GOSR2: variants seen among roughly 807,000 people sequenced by gnomAD.
GOSR2 encodes 27 kDa Golgi SNARE protein.
Under a neutral mutation model 27.9 loss-of-function variants are expected in GOSR2, and 20 were observed. That is an observed-to-expected ratio of 0.72 (90% confidence interval 0.50 to 1.04). The LOEUF (loss-of-function observed/expected upper bound fraction) is 1.04, where lower values mean the gene tolerates loss of function less well. GOSR2 is among the 50% of genes least tolerant of loss of function. The pLI is 0.00. For synonymous variants in GOSR2, 91 were observed against 98.8 expected, an observed-to-expected ratio of 0.92 and a Z score of 0.47; for missense variants, 261 against 270.5, an observed-to-expected ratio of 0.97 and a Z score of 0.25.
intron 6 of GOSR2, chr17:46,952,563 G>A (rs1338146430): frequency 6.6e-6 from 1 of 152,240 alleles, no homozygotes; most frequent in Non-Finnish European, 1.5e-5. Flanking sequence ...TGCTGGGAGA[G>A]ACTTCTGGGA....
Position 46,940,419 on chromosome 17 carries a change from G to A in GOSR2, c.*1659G>A, listed in dbSNP as rs117210496. Reference sequence around the variant, plus strand: ...TTGCAGCATCTTTAGACCTAGATCTGTCTAACTCTGGGGAGGCACATTGAC... The same window carrying A: ...TTGCAGCATCTTTAGACCTAGATCTATCTAACTCTGGGGAGGCACATTGAC... On this transcript the variant is annotated 3_prime_UTR_variant, in exon 6 of 6. Transcript: ENST00000640051. 5.0e-4 allele frequency: 804 copies of A among 1,596,354 alleles called. No homozygotes were observed. The highest frequency in any genetic ancestry group is 6.6e-4 in the Non-Finnish European group (778 of 1,176,668).
At chr17:46,974,987 C>CTTTTTTTTTTTTTTTTTTTT (rs58438726) in intron 6 of GOSR2, among the ~76,000 whole-genome samples, 1 of 119,062 alleles carries the variant, frequency 8.4e-6, no homozygotes, top group African/African-American at 3.2e-5. Context: ...TTACTATTTT[C>CTTTTTTTTTTTTTTTTTTTT]TTTTTTTTTT....
At chr17:46,962,703 A>G (rs1352772850) in intron 6 of GOSR2, among the ~76,000 whole-genome samples, 2 of 152,162 alleles carry the variant, frequency 1.3e-5, no homozygotes, top group Non-Finnish European at 2.9e-5. Flanking sequence ...GGTGCCAGAC[A>G]CTCTAGCCAG....
intron 4 of GOSR2, 170 bp downstream of exon 4, chr17:46,932,369 CAG>C (rs1233655155): frequency 8.6e-6 from 6 of 698,214 alleles, no homozygotes; most frequent in African/African-American, 1.8e-5. Context: ...TAGACCTAGA[CAG>C]AGAATCCCTT....
At chr17:46,960,851 G>A (rs1238186886) in intron 6 of GOSR2, among the ~76,000 whole-genome samples, 1 of 152,208 alleles carries the variant, frequency 6.6e-6, no homozygotes, top group African/African-American at 2.4e-5. Flanking sequence ...ATTAAGGGAA[G>A]AAGAGTTTGT....
At chr17:46,936,528 C>T (rs938088804) in intron 5 of GOSR2, 8 of 985,492 alleles carry the variant, frequency 8.1e-6, no homozygotes, top group Non-Finnish European at 9.6e-6. Context: ...GCCTCACACC[C>T]TGCCTCCGTC....
chr17:46,928,522 A>G (rs1369409967), intron 1 of GOSR2, among the ~76,000 whole-genome samples: 2 of 152,182 alleles, frequency 1.3e-5, no homozygotes, highest in Non-Finnish European at 2.9e-5. Flanking sequence ...ATGGAGGACC[A>G]TTAGGAAGGG....
At chr17:46,923,728 T>G (rs2086060666) in intron 1 of GOSR2, 1 of 454,430 alleles carries the variant, frequency 2.2e-6, no homozygotes, top group Non-Finnish European at 3.6e-6. Flanking sequence ...GCATTCACTA[T>G]TATTACTTGT....
rs2088860857 is a variant in GOSR2, at chr17:46,938,934, C to G, written c.*174C>G. 3.3e-6 allele frequency: 5 copies of G among 1,503,394 alleles called. No individual in the cohort carries two copies. The allele number at this position is 1,503,394 out of a possible 1,614,324, so 93.1% of individuals were successfully genotyped here. On this transcript the variant is annotated 3_prime_UTR_variant, in exon 6 of 6. Transcript: ENST00000640051. ...CAACCTGCTCTGTTTTCTGTGACAT[C>G]TTGGAGGGGGAGCTAGTGCCACCAC...
chr17:46,950,824 A>G (rs1161757732), intron 6 of GOSR2, among the ~76,000 whole-genome samples: 1 of 152,200 alleles, frequency 6.6e-6, no homozygotes. Context: ...GAACAGAGGA[A>G]AAGCGGGGCC....
downstream of GOSR2, among the ~76,000 whole-genome samples, chr17:46,970,620 G>A (rs1461253458): frequency 6.6e-6 from 1 of 151,534 alleles, no homozygotes; most frequent in African/African-American, 2.4e-5. Context: ...TCAGTCGTCA[G>A]CTGAGCTTTT....
chr17:46,946,872 A>G (rs1186624256), downstream of GOSR2, among the ~76,000 whole-genome samples: 3 of 152,338 alleles, frequency 2.0e-5, no homozygotes, highest in East Asian at 5.8e-4. Context: ...CAATTTTAAA[A>G]AAACAAAAAT....
At chr17:46,950,216 C>T (rs1599152912) in intron 6 of GOSR2, among the ~76,000 whole-genome samples, 1 of 152,208 alleles carries the variant, frequency 6.6e-6, no homozygotes, top group Non-Finnish European at 1.5e-5. Flanking sequence ...AGTCACTTCT[C>T]GTTCCTATCC....
At chr17:46,938,473 T>C in intron 5 of GOSR2, 126 bp from the exon 6 acceptor site, 3 of 1,458,034 alleles carry the variant, frequency 2.1e-6, no homozygotes, top group Non-Finnish European at 2.9e-6. Flanking sequence ...CTGATATTGC[T>C]TTCTGTGTAT....
chr17:46,939,486 G>A lies in GOSR2; in HGVS notation c.*726G>A, dbSNP rs1044037609. On this transcript the variant is annotated 3_prime_UTR_variant, in exon 6 of 6. Transcript: ENST00000640051. Reference sequence around the variant, plus strand: ...CTGATTTTTTCTAGTTGTTAATAGAGTGGTTGGCTTTTAAGGTTCAGAGAC... The same window carrying A: ...CTGATTTTTTCTAGTTGTTAATAGAATGGTTGGCTTTTAAGGTTCAGAGAC... 4 of 986,426 alleles carry A rather than the reference G, an allele frequency of 4.1e-6. No homozygotes were observed. In the East Asian group the frequency reaches 4.5e-4, roughly 112 times the overall value. 61.1% of individuals were successfully genotyped at this position (986,426 alleles called of 1,614,324 possible).
chr17:46,971,733 C>G (rs3863498), downstream of GOSR2, among the ~76,000 whole-genome samples: 134,105 of 152,252 alleles, frequency 0.88, 61,048 homozygotes, highest in East Asian at 1. Flanking sequence ...TCCTGCACCC[C>G]GACCTGCCTG....
At chr17:46,945,573 G>T (rs556154634), downstream of GOSR2, among the ~76,000 whole-genome samples, 3 of 152,284 alleles carry the variant, frequency 2.0e-5, no homozygotes, top group South Asian at 6.2e-4. Flanking sequence ...TCTTTGCTGG[G>T]TGGTAACTCA....
At chr17:46,952,275 A>T (rs2090417381) in intron 6 of GOSR2, among the ~76,000 whole-genome samples, 1 of 152,176 alleles carries the variant, frequency 6.6e-6, no homozygotes, top group Non-Finnish European at 1.5e-5. Context: ...TCAGCGCCTG[A>T]AGCAGGCCTG....
In GOSR2 at chr17:46,939,287, A is replaced by G. The variant is rs181200484; in HGVS notation, c.*527A>G. On this transcript the variant is annotated 3_prime_UTR_variant, in exon 6 of 6. Transcript: ENST00000640051. ...TCCCCTGTGCCTCAGTGACATGTAGATGACTGACTGCCAATACTTGTCACC... is the reference window on the plus strand; with the variant it reads ...TCCCCTGTGCCTCAGTGACATGTAGGTGACTGACTGCCAATACTTGTCACC... 1.6e-5 allele frequency: 16 copies of G among 1,023,458 alleles called. No homozygotes were observed. The highest frequency in any genetic ancestry group is 1.8e-5 in the Non-Finnish European group (15 of 850,590). 63.4% of individuals were successfully genotyped at this position (1,023,458 alleles called of 1,614,324 possible). A position where few individuals can be genotyped will look rare whatever the true frequency, so the allele number is the denominator to read the frequency against.
Sources: gnomAD v4.1 joint callset for allele counts (sites outside exome capture counted in the v4.1 genomes callset) on GRCh38, gnomAD v4.1.1 for gene constraint, MANE v1.5 for transcripts, NCBI Gene and HGNC (gene_info 2026-07-23, HGNC 2026-07-21) for gene names.